FEZ1: variants seen among roughly 807,000 people sequenced by gnomAD.
The protein encoded by FEZ1 is fasciculation and elongation protein zeta-1.
FEZ1 carries 20 observed loss-of-function variants against 49.3 expected under a neutral mutation model. The ratio of observed to expected loss-of-function variants is 0.41; its 90% CI spans 0.29 to 0.59. The LOEUF (loss-of-function observed/expected upper bound fraction) is 0.59, where lower values mean the gene tolerates loss of function less well. Ranked by LOEUF, FEZ1 falls within the 20% of genes least tolerant of loss-of-function variation. The probability of loss-of-function intolerance (pLI) is 0.36; values close to 1 mark genes in which losing one functional copy is unlikely to be tolerated. For missense variants in FEZ1, 413 were observed against 476.0 expected (o/e 0.87, Z 1.23); for synonymous variants, 170 against 180.9 (o/e 0.94, Z 0.48).
chr11:125,484,937 G>C (rs992318372), intron 2 of FEZ1, among the ~76,000 whole-genome samples: 4 of 152,162 alleles, frequency 2.6e-5, no homozygotes, highest in African/African-American at 9.7e-5. Flanking sequence ...GTGAGGAAGA[G>C]AAAGGGAAGG....
chr11:125,475,211 T>C (rs1957220113), intron 3 of FEZ1, among the ~76,000 whole-genome samples: 1 of 150,830 alleles, frequency 6.6e-6, no homozygotes, highest in African/African-American at 2.4e-5. Flanking sequence ...TGGAGGTTGC[T>C]GTGAGCTGAG....
intron 2 of FEZ1, chr11:125,488,854 ACTATTAAGACC>A (rs1370709733): frequency 2.0e-6 from 2 of 985,116 alleles, no homozygotes; most frequent in Non-Finnish European, 2.4e-6. Flanking sequence ...TTTCTTGACT[ACTATTAAGACC>A]CTAGAAAGTA....
At chr11:125,470,191 C>T (rs967484264) in intron 3 of FEZ1, among the ~76,000 whole-genome samples, 6 of 152,160 alleles carry the variant, frequency 3.9e-5, no homozygotes, top group Admixed American at 3.9e-4. Context: ...AACAGAACAC[C>T]TTGCTTCCTC....
intron 3 of FEZ1, among the ~76,000 whole-genome samples, chr11:125,480,223 A>C (rs1336110951): frequency 2.0e-5 from 3 of 152,130 alleles, no homozygotes; most frequent in Non-Finnish European, 4.4e-5. Context: ...AAAAAATACA[A>C]AAATTAGCCG....
chr11:125,465,795 C>T (rs1488617127), intron 3 of FEZ1, among the ~76,000 whole-genome samples: 7 of 152,176 alleles, frequency 4.6e-5, no homozygotes, highest in African/African-American at 1.7e-4. Context: ...GATTCTGATC[C>T]TCTCACCCTT....
chr11:125,464,590 C>G (rs1957108349), intron 3 of FEZ1, among the ~76,000 whole-genome samples: 1 of 152,200 alleles, frequency 6.6e-6, no homozygotes, highest in South Asian at 2.1e-4. Context: ...AGCTCCAATC[C>G]AAGCAATAAT....
intron 3 of FEZ1, among the ~76,000 whole-genome samples, chr11:125,474,219 T>C (rs2135767838): frequency 6.7e-6 from 1 of 149,586 alleles, no homozygotes; most frequent in Middle Eastern, 3.4e-3. Context: ...TTTGTATTTT[T>C]AGTAGAGACA....
At position 125,462,668 on chromosome 11, in the gene FEZ1, C is replaced by A. The variant is rs1242565351; in HGVS notation, c.498+816G>T. 3.9e-5 allele frequency among the ~76,000 whole-genome samples: 6 copies of A among 152,298 alleles called. No homozygotes were observed. In the East Asian group the frequency reaches 5.8e-4, roughly 15 times the overall value. On this transcript the variant is annotated intron_variant, in intron 4 of 9. Coordinates refer to ENST00000278919, the MANE Select transcript of FEZ1 (RefSeq NM_005103.5). The stretch of plus-strand genomic sequence containing the variant: ...ATTCATGTTCACTGCAGGTGGGCAA[C>A]CTGAGGCAGAAAGAGAGATGAAATC...
intron 8 of FEZ1, among the ~76,000 whole-genome samples, chr11:125,450,518 G>C (rs769278372): frequency 1.3e-5 from 2 of 152,198 alleles, no homozygotes; most frequent in Non-Finnish European, 2.9e-5. Context: ...TTGGCTAGTC[G>C]CAGGAGCTGG....
In FEZ1 at chr11:125,495,433, G is replaced by A. The variant is rs967094117; in HGVS notation, c.-46+688C>T. 6.4e-6 allele frequency: 3 copies of A among 470,446 alleles called. No homozygotes were observed. Among genetic ancestry groups the A allele is most frequent in the Admixed American group, 4.7e-5 (2 of 42,532 alleles). The allele number at this position is 470,446 out of a possible 1,614,324, so 29.1% of individuals were successfully genotyped here. ...CTGCTCCCCGCATTCCAGAGCCCGG[G>A]GCCCACCCGACGGCAGCGCGCCCCG... On this transcript the variant is annotated intron_variant, in intron 1 of 9. Transcript: ENST00000278919. This position sits in a 1 kb window ranked among gnomAD's most constrained non-coding sequence, Gnocchi z 4.2.
intron 5 of FEZ1, among the ~76,000 whole-genome samples, chr11:125,456,695 G>A (rs920313393): frequency 6.6e-6 from 1 of 152,134 alleles, no homozygotes; most frequent in Non-Finnish European, 1.5e-5. Context: ...GTTAGCATAC[G>A]GCAGTCAGCT....
At chr11:125,475,108 A>G (rs1410066689) in intron 3 of FEZ1, among the ~76,000 whole-genome samples, 1 of 152,050 alleles carries the variant, frequency 6.6e-6, no homozygotes, top group Non-Finnish European at 1.5e-5. Flanking sequence ...CATCTCTTCT[A>G]AAAATACAAA....
intron 3 of FEZ1, among the ~76,000 whole-genome samples, chr11:125,475,037 G>C (rs939842435): frequency 2.2e-4 from 34 of 152,110 alleles, no homozygotes; most frequent in African/African-American, 8.2e-4. Flanking sequence ...TGGGAGGCCG[G>C]GGCAGGTGGA....
At chr11:125,481,474 G>T in intron 3 of FEZ1, 60 bp downstream of exon 3, 1 of 954,742 alleles carries the variant, frequency 1.0e-6, no homozygotes, top group Non-Finnish European at 1.7e-6. Context: ...GTTACTGAAT[G>T]TTTTTCTAAC....
rs776344210 is a variant in FEZ1, at chr11:125,460,676, G to A, written c.499-10C>T. The A allele has an allele frequency of 1.2e-6, 2 of 1,612,054 alleles. No individual in the cohort carries two copies. Among genetic ancestry groups the A allele is most frequent in the African/African-American group, 1.3e-5 (1 of 74,898 alleles). On this transcript the variant is annotated splice_polypyrimidine_tract_variant and intron_variant, in intron 4 of 9. Coordinates refer to ENST00000278919, the MANE Select transcript of FEZ1 (RefSeq NM_005103.5). Reference sequence around the variant, plus strand: ...CAATCTCCTCAATTACCTGAAGAAGGTACACGAGAGAGTGCTAACTCTGTT... The same window carrying A: ...CAATCTCCTCAATTACCTGAAGAAGATACACGAGAGAGTGCTAACTCTGTT...
Position 125,495,498 on chromosome 11 carries a change from G to A in FEZ1, c.-46+623C>T, listed in dbSNP as rs778515350. On this transcript the variant is annotated intron_variant, in intron 1 of 9. Coordinates refer to ENST00000278919, the MANE Select transcript of FEZ1 (RefSeq NM_005103.5). The surrounding 1 kb of genome is among the most constrained non-coding windows in gnomAD (Gnocchi z 4.2). ...CCCCGGTCCCTTCTCCCGCCCGTCT[G>A]TAGTAAAACAATCGCTCTCCCGGCG... The A allele has an allele frequency of 3.0e-4, 141 of 471,124 alleles. 2 individuals are homozygous for A. The Admixed American group carries it at 3.2e-3, about 11-fold the overall frequency. 29.2% of individuals were successfully genotyped at this position (471,124 alleles called of 1,614,324 possible). A position where few individuals can be genotyped will look rare whatever the true frequency, so the allele number is the denominator to read the frequency against.
intron 8 of FEZ1, 50 bp downstream of exon 8, chr11:125,452,284 G>T: frequency 7.9e-7 from 1 of 1,265,598 alleles, no homozygotes. Context: ...GTACAGGCAG[G>T]AAGGGAGAAA....
chr11:125,455,771 G>A, intron 6 of FEZ1, 64 bp downstream of exon 6: 3 of 1,541,720 alleles, frequency 1.9e-6, no homozygotes, highest in African/African-American at 2.7e-5. Context: ...GGGTTGGTAG[G>A]GCACTGAAAC....
chr11:125,465,476 TC>T (rs1957118974), intron 3 of FEZ1, among the ~76,000 whole-genome samples: 1 of 151,984 alleles, frequency 6.6e-6, no homozygotes, highest in African/African-American at 2.4e-5. Context: ...AGAGTTTCTC[TC>T]CCCTCCCCCT....
Sources: allele counts gnomAD v4.1 joint callset (sites outside exome capture counted in the v4.1 genomes callset), GRCh38; gene constraint gnomAD v4.1.1; non-coding constraint Gnocchi (gnomAD v3.1); transcripts MANE v1.5; gene names NCBI Gene and HGNC (gene_info 2026-07-23, HGNC 2026-07-21).